PDE4D: variants seen among roughly 807,000 people sequenced by gnomAD.
PDE4D encodes the protein phosphodiesterase 4D, also known as 3',5'-cyclic-AMP phosphodiesterase 4D.
Under a neutral mutation model 87.4 loss-of-function variants are expected in PDE4D, and 24 were observed. The ratio of observed to expected loss-of-function variants is 0.27; its 90% CI spans 0.20 to 0.39. PDE4D has a LOEUF of 0.39. Among genes scored for constraint, PDE4D ranks in the 10% least tolerant of loss-of-function variants. The pLI, the probability that PDE4D is intolerant of heterozygous loss-of-function variation, is 1.00. For synonymous variants in PDE4D, 384 were observed against 383.2 expected (o/e 1.00, Z -0.02); for missense variants, 714 against 1,041.0 (o/e 0.69, Z 4.32).
At chr5:59,368,856 C>T (rs939113041) in intron 1 of PDE4D, among the ~76,000 whole-genome samples, 4 of 152,184 alleles carry the variant, frequency 2.6e-5, no homozygotes, top group African/African-American at 9.7e-5. Context: ...ACCAAACCAT[C>T]ATGAAAAACA....
At chr5:59,519,939 A>G (rs1258572590) in intron 1 of PDE4D, among the ~76,000 whole-genome samples, 1 of 152,060 alleles carries the variant, frequency 6.6e-6, no homozygotes, top group Admixed American at 6.6e-5. Context: ...TCTCTATCTC[A>G]GCACTTATGT....
intron 1 of PDE4D, among the ~76,000 whole-genome samples, chr5:59,236,455 G>A (rs538922152): frequency 6.6e-6 from 1 of 152,098 alleles, no homozygotes; most frequent in Non-Finnish European, 1.5e-5. Context: ...ACTCTGAGTC[G>A]GTAAAGCTGA....
At chr5:60,509,168 G>A (rs1459544469) in intron 1 of PDE4D, among the ~76,000 whole-genome samples, 1 of 152,132 alleles carries the variant, frequency 6.6e-6, no homozygotes, top group Non-Finnish European at 1.5e-5. Flanking sequence ...GCCTTCTTGT[G>A]CTTAGGAGCA....
intron 1 of PDE4D, among the ~76,000 whole-genome samples, chr5:59,439,252 C>T (rs371904721): frequency 1.3e-5 from 2 of 150,918 alleles, no homozygotes; most frequent in African/African-American, 2.4e-5. Context: ...CCAGCTACCT[C>T]GGAGGCTGAG....
chr5:60,220,492 A>C (rs538141801), intron 1 of PDE4D, among the ~76,000 whole-genome samples: 1 of 152,070 alleles, frequency 6.6e-6, no homozygotes. Flanking sequence ...TCACCCAACT[A>C]TCCTGATTTT....
Position 58,974,878 on chromosome 5 carries a change from G to A in PDE4D, c.2216C>T (p.Thr739Ile), listed in dbSNP as rs771691597. Residue 739 changes from threonine (T) to isoleucine (I), a missense_variant, in exon 15 of 15, where the codon ACT becomes ATT. Physicochemically the swap from Thr to Ile is moderately conservative, Grantham distance 89. This residue lies in a region of PDE4D where 90 missense variants were observed against 95.3 expected (regional missense o/e 0.94). Transcript: ENST00000340635. ...GQTEKFQFEL[T>I]LEEDGESDTE... ...GTCTGACTCACCATCTTCCTCTAAAGTTAGTTCAAACTGGAATTTCTCAGT... is the reference window on the plus strand; with the variant it reads ...GTCTGACTCACCATCTTCCTCTAAAATTAGTTCAAACTGGAATTTCTCAGT... 1 of 1,612,496 alleles carries A rather than the reference G, an allele frequency of 6.2e-7. No homozygotes were observed. Among genetic ancestry groups the A allele is most frequent in the South Asian group, 1.1e-5 (1 of 90,938 alleles).
chr5:59,133,552 T>A (rs1490423175), intron 5 of PDE4D, among the ~76,000 whole-genome samples: 1 of 152,190 alleles, frequency 6.6e-6, no homozygotes, highest in Admixed American at 6.5e-5. Context: ...TCTTGTCTGA[T>A]TCATTCTAAT....
At chr5:60,322,742 C>A (rs1044228899) in intron 1 of PDE4D, among the ~76,000 whole-genome samples, 2 of 152,102 alleles carry the variant, frequency 1.3e-5, no homozygotes, top group African/African-American at 4.8e-5. Flanking sequence ...GAAAGTCTTC[C>A]CCAAATCCTA....
intron 1 of PDE4D, among the ~76,000 whole-genome samples, chr5:60,284,044 A>C (rs897733968): frequency 1.3e-5 from 2 of 152,200 alleles, no homozygotes; most frequent in African/African-American, 4.8e-5. Flanking sequence ...AAGATGAGAC[A>C]AGATCCAACT....
chr5:59,826,016 C>G lies in PDE4D; in HGVS notation c.455+67152G>C, dbSNP rs138568899. ...CTTTACCCCACTGGAAGGCTTGAACCAAGGGATGTCAAATTCTTGCCACTT... is the reference window on the plus strand; with the variant it reads ...CTTTACCCCACTGGAAGGCTTGAACGAAGGGATGTCAAATTCTTGCCACTT... On this transcript the variant is annotated intron_variant, in intron 1 of 14. Coordinates refer to ENST00000340635, the MANE Select transcript of PDE4D (RefSeq NM_001104631.2). 1.5e-3 allele frequency among the ~76,000 whole-genome samples: 225 copies of G among 152,266 alleles called. 1 individual carries two copies. Among genetic ancestry groups the G allele is most frequent in the African/African-American group, 5.2e-3 (217 of 41,560 alleles).
At chr5:58,993,955 C>T (rs1213447749) in intron 6 of PDE4D, among the ~76,000 whole-genome samples, 2 of 152,050 alleles carry the variant, frequency 1.3e-5, no homozygotes, top group African/African-American at 2.4e-5. Flanking sequence ...ATGCTTTCTT[C>T]AATTAATTTA....
chr5:59,762,261 CGTATATGT>C (rs375409607), intron 1 of PDE4D, among the ~76,000 whole-genome samples: 1,408 of 43,176 alleles, frequency 0.033, 109 homozygotes, highest in South Asian at 0.041. Context: ...TACACATATG[CGTATATGT>C]GTATATGGGT....
intron 1 of PDE4D, among the ~76,000 whole-genome samples, chr5:60,280,015 A>G (rs748937168): frequency 1.3e-5 from 2 of 152,086 alleles, no homozygotes; most frequent in Non-Finnish European, 2.9e-5. Context: ...AGTCTGGTAT[A>G]TATGAGAAAA....
intron 2 of PDE4D, among the ~76,000 whole-genome samples, chr5:60,062,225 A>T (rs187603060): frequency 1.3e-5 from 2 of 152,300 alleles, no homozygotes. Context: ...GAAAAACACA[A>T]GAAAACCCAT....
chr5:59,631,741 T>G (rs1486384695), intron 1 of PDE4D, among the ~76,000 whole-genome samples: 1 of 152,220 alleles, frequency 6.6e-6, no homozygotes, highest in East Asian at 1.9e-4. Flanking sequence ...TCCCACGGTC[T>G]TCACTAGCCA....
At chr5:59,664,181 C>A (rs968198894) in intron 1 of PDE4D, among the ~76,000 whole-genome samples, 1 of 152,120 alleles carries the variant, frequency 6.6e-6, no homozygotes, top group Non-Finnish European at 1.5e-5. Flanking sequence ...GAACTTCATA[C>A]ATGCTTTCCT....
chr5:59,043,786 A>G (rs1233768779), intron 5 of PDE4D, among the ~76,000 whole-genome samples: 1 of 148,456 alleles, frequency 6.7e-6, no homozygotes, highest in East Asian at 2.0e-4. Flanking sequence ...ATTCCCACCT[A>G]TGAGTGAGAA....
chr5:60,318,917 A>G (rs970304960), intron 1 of PDE4D, among the ~76,000 whole-genome samples: 2 of 151,812 alleles, frequency 1.3e-5, no homozygotes, highest in African/African-American at 4.8e-5. Flanking sequence ...TGCCCTTAAC[A>G]TTTTTTCCTT....
chr5:59,929,495 A>G (rs1373162920), intron 3 of PDE4D, among the ~76,000 whole-genome samples: 1 of 149,250 alleles, frequency 6.7e-6, no homozygotes. Flanking sequence ...TGTGGTATCT[A>G]CAGTCTTTTT....
Sources: gnomAD v4.1 joint callset for allele counts (sites outside exome capture counted in the v4.1 genomes callset) on GRCh38, gnomAD v4.1.1 for gene constraint, gnomAD v4.1.1 regional missense constraint, MANE v1.5 for transcripts, NCBI Gene and HGNC (gene_info 2026-07-23, HGNC 2026-07-21) for gene names.